The following ANK3 variants were observed in gnomAD, a reference collection of about 807,000 sequenced individuals.
ANK3 encodes ankyrin-3.
ANK3 carries 57 observed loss-of-function variants against 370.9 expected under a neutral mutation model. The observed-to-expected ratio is 0.15, with a 90% confidence interval of 0.12 to 0.19. The LOEUF is 0.19. Ranked by LOEUF, ANK3 falls within the 10% of genes least tolerant of loss-of-function variation. The pLI is 1.00. For synonymous variants in ANK3, 1,929 were observed against 1,946.3 expected, an observed-to-expected ratio of 0.99 and a Z score of 0.23; for missense variants, 4,439 against 5,302.1, an observed-to-expected ratio of 0.84 and a Z score of 5.06.
intron 2 of ANK3, among the ~76,000 whole-genome samples, chr10:60,424,599 C>T (rs971556327): frequency 6.6e-6 from 1 of 151,960 alleles, no homozygotes; most frequent in Non-Finnish European, 1.5e-5. Context: ...CTTACAATTC[C>T]ACCCTTACGA....
intron 2 of ANK3, among the ~76,000 whole-genome samples, chr10:60,543,145 A>G (rs1385199122): frequency 6.6e-6 from 1 of 152,020 alleles, no homozygotes; most frequent in Non-Finnish European, 1.5e-5. Flanking sequence ...ACAAATATCA[A>G]AAAGTCTGAC....
At chr10:60,205,939 C>A (rs1242696163) in intron 10 of ANK3, 49 bp from the exon 11 acceptor site, 1 of 1,227,470 alleles carries the variant, frequency 8.1e-7, no homozygotes, top group Non-Finnish European at 1.2e-6. Context: ...CCATCAAAAT[C>A]CAGTTTCACT....
intron 1 of ANK3, among the ~76,000 whole-genome samples, chr10:60,682,930 T>A (rs569798252): frequency 6.6e-6 from 1 of 152,288 alleles, no homozygotes; most frequent in East Asian, 1.9e-4. Context: ...GAATCCCAAC[T>A]TGAAGCCAGT....
chr10:60,088,731 T>G (rs2087364139), intron 28 of ANK3, among the ~76,000 whole-genome samples: 1 of 152,218 alleles, frequency 6.6e-6, no homozygotes, highest in Admixed American at 6.5e-5. Flanking sequence ...AGGCAATACA[T>G]CATTTTAATA....
intron 2 of ANK3, among the ~76,000 whole-genome samples, chr10:60,513,870 G>C (rs961208149): frequency 6.6e-6 from 1 of 152,082 alleles, no homozygotes; most frequent in South Asian, 2.1e-4. Flanking sequence ...CGTTTGCACG[G>C]AGTGAGTCCA....
intron 5 of ANK3, among the ~76,000 whole-genome samples, chr10:60,268,168 C>G (rs190556829): frequency 3.3e-5 from 5 of 152,072 alleles, no homozygotes; most frequent in African/African-American, 1.2e-4. Context: ...CCCTTGCACC[C>G]GGCTAAATGT....
chr10:60,061,225 G>A (rs989379029), intron 40 of ANK3, among the ~76,000 whole-genome samples: 1 of 152,138 alleles, frequency 6.6e-6, no homozygotes, highest in Non-Finnish European at 1.5e-5. Context: ...TGAAAAGCTG[G>A]CTAAGATTAG....
At chr10:60,557,398 T>C (rs1382634063) in intron 2 of ANK3, among the ~76,000 whole-genome samples, 1 of 152,140 alleles carries the variant, frequency 6.6e-6, no homozygotes, top group Non-Finnish European at 1.5e-5. Flanking sequence ...GACAATATTG[T>C]ATGACTCCAT....
intron 28 of ANK3, among the ~76,000 whole-genome samples, chr10:60,098,247 G>A (rs1263113057): frequency 6.6e-6 from 1 of 152,140 alleles, no homozygotes; most frequent in Non-Finnish European, 1.5e-5. Context: ...TTTGAGGGCA[G>A]CCAGAGAGTC....
At chr10:60,251,869 G>T (rs1026833300) in intron 7 of ANK3, among the ~76,000 whole-genome samples, 5 of 152,196 alleles carry the variant, frequency 3.3e-5, no homozygotes, top group African/African-American at 4.8e-5. Flanking sequence ...GCCCAGGCTG[G>T]TATTCACTGA....
chr10:60,733,499 C>A (rs1340974415), upstream of ANK3: 1 of 494,570 alleles, frequency 2.0e-6, no homozygotes, highest in Non-Finnish European at 3.1e-6. Context: ...GTGTCCGCTG[C>A]GACCGCCAGG....
In ANK3 at chr10:60,071,905, T is replaced by C. The variant is rs756823894; in HGVS notation, c.8976A>G (p.Gln2992=). The C allele has an allele frequency of 3.1e-6, 5 of 1,613,970 alleles. No individual in the cohort carries two copies. Among genetic ancestry groups the C allele is most frequent in the African/African-American group, 1.3e-5 (1 of 74,920 alleles). Residue 2992 remains glutamine, a synonymous_variant, in exon 37 of 44, where the codon CAA becomes CAG. Transcript: ENST00000280772. ...TACTCATGCTTGACTGGGACAATTT[T>C]TGTGATAGTTCATGTTTTGGAAATG... ...QSAFPKHELS[Q]KLSQSSMSKE...
intron 42 of ANK3, among the ~76,000 whole-genome samples, chr10:60,050,221 T>C (rs2077674515): frequency 6.6e-6 from 1 of 152,214 alleles, no homozygotes; most frequent in African/African-American, 2.4e-5. Context: ...TAGACAGCAA[T>C]AAGTAATTTG....
intron 2 of ANK3, among the ~76,000 whole-genome samples, chr10:60,476,778 C>A (rs1181011513): frequency 2.0e-5 from 3 of 152,134 alleles, no homozygotes. Context: ...AGTCAATGGA[C>A]CGTCTGGAGA....
In ANK3 at chr10:60,185,794, T is replaced by C. The variant is rs1372580072; in HGVS notation, c.2085+921A>G. Reference sequence around the variant, plus strand: ...ATCTTAATGAGCAATTCAGCAAACCTAAATTTGATACATACAGGGAGAGGC... The same window carrying C: ...ATCTTAATGAGCAATTCAGCAAACCCAAATTTGATACATACAGGGAGAGGC... On this transcript the variant is annotated intron_variant, in intron 17 of 43. Coordinates refer to ENST00000280772, the MANE Select transcript of ANK3 (RefSeq NM_020987.5). Among the ~76,000 whole-genome samples the C allele has an allele frequency of 2.0e-5, 3 of 152,200 alleles. No homozygotes were observed. In the East Asian group the frequency reaches 5.8e-4, roughly 29 times the overall value.
intron 7 of ANK3, among the ~76,000 whole-genome samples, chr10:60,239,606 A>G (rs928655190): frequency 2.0e-5 from 3 of 152,206 alleles, no homozygotes; most frequent in Non-Finnish European, 2.9e-5. Context: ...GACCTGCAAT[A>G]CATAAAATGT....
chr10:60,632,068 G>T (rs1300139261), intron 1 of ANK3, among the ~76,000 whole-genome samples: 3 of 152,124 alleles, frequency 2.0e-5, no homozygotes, highest in African/African-American at 7.2e-5. Flanking sequence ...CCAACCTTTG[G>T]GATGCTGGTG....
intron 2 of ANK3, among the ~76,000 whole-genome samples, chr10:60,560,393 C>G (rs919127196): frequency 5.9e-5 from 9 of 152,066 alleles, no homozygotes; most frequent in African/African-American, 1.2e-4. Context: ...GTACTAGCAC[C>G]TATTTCAAGC....
In ANK3 at chr10:60,064,307, G is replaced by A. The variant is rs1589447125; in HGVS notation, c.12320-19C>T. The A allele has an allele frequency of 7.7e-6, 12 of 1,553,532 alleles. No homozygotes were observed. The highest frequency in any genetic ancestry group is 9.5e-6 in the Non-Finnish European group (11 of 1,162,150). ...GCCAGTTCTGTAGAAAAGAAAGAGAGTTACTAAGATTGCATATTCTACTTT... is the reference window on the plus strand; with the variant it reads ...GCCAGTTCTGTAGAAAAGAAAGAGAATTACTAAGATTGCATATTCTACTTT... On this transcript the variant is annotated intron_variant, in intron 38 of 43. Coordinates refer to ENST00000280772, the MANE Select transcript of ANK3 (RefSeq NM_020987.5).
Sources: allele counts gnomAD v4.1 joint callset (sites outside exome capture counted in the v4.1 genomes callset), GRCh38; gene constraint gnomAD v4.1.1; transcripts MANE v1.5; gene names NCBI Gene and HGNC (gene_info 2026-07-23, HGNC 2026-07-21).